The following ALK variants were observed in gnomAD, a reference collection of about 807,000 sequenced individuals.
ALK encodes the protein ALK receptor tyrosine kinase, also known as ALK tyrosine kinase receptor.
A neutral mutation model predicts 163.1 loss-of-function variants in ALK; 74 were observed. The ratio of observed to expected loss-of-function variants is 0.45; its 90% confidence interval spans 0.38 to 0.55. The LOEUF (loss-of-function observed/expected upper bound fraction) is 0.55, where lower values mean the gene tolerates loss of function less well. Among genes scored for constraint, ALK ranks in the 20% least tolerant of loss-of-function variants. The pLI is 0.00. For synonymous variants in ALK, 960 were observed against 843.2 expected (o/e 1.14, Z -2.40); for missense variants, 2,063 against 2,105.3 (o/e 0.98, Z 0.39).
At position 29,318,499 on chromosome 2, in the gene ALK, C is replaced by A. The variant is rs1000332803; in HGVS notation, c.1547-95G>T. ...TGGACTGTGCACAGTTCTTATCTAG[C>A]CTAGGGATATCTTTGAGGAAACAGG... On this transcript the variant is annotated intron_variant, in intron 7 of 28. Coordinates refer to ENST00000389048, the MANE Select transcript of ALK (RefSeq NM_004304.5). 6 of 859,874 alleles carry A rather than the reference C, an allele frequency of 7.0e-6. No individual in the cohort carries two copies. In the African/African-American group the frequency reaches 8.3e-5, roughly 12 times the overall value. The allele number at this position is 859,874 out of a possible 1,614,324, so 53.3% of individuals were successfully genotyped here. A position where few individuals can be genotyped will look rare whatever the true frequency, so the allele number is the denominator to read the frequency against.
intron 4 of ALK, among the ~76,000 whole-genome samples, chr2:29,405,281 C>T (rs964400671): frequency 6.6e-6 from 1 of 152,138 alleles, no homozygotes; most frequent in South Asian, 2.1e-4. Flanking sequence ...ATATCTGTTC[C>T]TTTCGAAACT....
intron 4 of ALK, among the ~76,000 whole-genome samples, chr2:29,494,643 G>GC: frequency 6.6e-6 from 1 of 152,150 alleles, no homozygotes; most frequent in African/African-American, 2.4e-5. Flanking sequence ...ATAAAGGGGT[G>GC]AGTTGTGCTA....
chr2:29,447,715 C>T (rs1051869781), intron 4 of ALK, among the ~76,000 whole-genome samples: 8 of 152,210 alleles, frequency 5.3e-5, no homozygotes, highest in Non-Finnish European at 8.8e-5. Flanking sequence ...CTTCACACCT[C>T]AGGTTCAATG....
intron 1 of ALK, among the ~76,000 whole-genome samples, chr2:29,718,523 T>G (rs767767641): frequency 6.6e-6 from 1 of 152,242 alleles, no homozygotes; most frequent in African/African-American, 2.4e-5. Flanking sequence ...GAATTAGTTC[T>G]CTTTCATAGA....
At chr2:29,848,573 A>T (rs1412920143) in intron 1 of ALK, among the ~76,000 whole-genome samples, 1 of 152,192 alleles carries the variant, frequency 6.6e-6, no homozygotes, top group East Asian at 1.9e-4. Flanking sequence ...ATAAATGTTA[A>T]TGAATTTGTG....
At chr2:29,809,167 C>T (rs1164147793) in intron 1 of ALK, among the ~76,000 whole-genome samples, 2 of 152,176 alleles carry the variant, frequency 1.3e-5, no homozygotes, top group African/African-American at 2.4e-5. Context: ...TTTACTTAAG[C>T]AAGGTTCTGG....
At chr2:29,534,574 T>G (rs922664966) in intron 3 of ALK, among the ~76,000 whole-genome samples, 1 of 152,170 alleles carries the variant, frequency 6.6e-6, no homozygotes, top group Non-Finnish European at 1.5e-5. Context: ...TGTTCTCAGG[T>G]TGGCAGAATG....
In ALK at chr2:29,716,728, T is replaced by C. The variant is rs1339322254; in HGVS notation, c.787+850A>G. 5.3e-5 allele frequency among the ~76,000 whole-genome samples: 8 copies of C among 152,282 alleles called. No homozygotes were observed. The East Asian group carries it at 1.5e-3, about 29-fold the overall frequency. On this transcript the variant is annotated intron_variant, in intron 2 of 28. Transcript: ENST00000389048. ...GACCTGGTCTCTTCATGTCGGATGC[T>C]GTTGCAGAATCAAATGAACCAAAAT... is the stretch of plus-strand genomic sequence containing the variant.
rs1668922506 is a variant in ALK at position 29,193,312 on chromosome 2, G to A, written c.4775C>T (p.Pro1592Leu). 6.2e-7 allele frequency: 1 copy of A among 1,614,148 alleles called. No homozygotes were observed. ...VNYGYQQQGLPLEAATAPGAG... is the reference protein window; with the variant it reads ...VNYGYQQQGLLLEAATAPGAG... ...TCCAGGGGCAGTAGCGGCTTCTAAGGGCAAGCCCTGTTGCTGGTAGCCGTA... is the reference window on the plus strand; with the variant it reads ...TCCAGGGGCAGTAGCGGCTTCTAAGAGCAAGCCCTGTTGCTGGTAGCCGTA... The change falls in exon 29 of 29, where the codon CCC (proline) becomes CTC (leucine). Residue 1592 changes from proline (P) to leucine (L), a missense_variant. By Grantham distance (98) the Pro-to-Leu change is moderately conservative. Transcript: ENST00000389048.
intron 1 of ALK, among the ~76,000 whole-genome samples, chr2:29,789,269 T>C (rs1244364771): frequency 6.6e-6 from 1 of 152,226 alleles, no homozygotes; most frequent in Non-Finnish European, 1.5e-5. Flanking sequence ...CAGTGCTCCC[T>C]AGCACTGAGC....
intron 5 of ALK, among the ~76,000 whole-genome samples, chr2:29,369,833 G>A (rs1205573494): frequency 6.6e-6 from 1 of 152,092 alleles, no homozygotes; most frequent in African/African-American, 2.4e-5. Context: ...ATGATCACAC[G>A]GAATAAATAA....
chr2:29,610,346 A>G (rs149050880), intron 3 of ALK, among the ~76,000 whole-genome samples: 1 of 152,208 alleles, frequency 6.6e-6, no homozygotes, highest in African/African-American at 2.4e-5. Context: ...TCCTTAATGT[A>G]TTGCATACTC....
At chr2:29,649,268 G>A (rs1676973569) in intron 3 of ALK, among the ~76,000 whole-genome samples, 1 of 151,778 alleles carries the variant, frequency 6.6e-6, no homozygotes, top group African/African-American at 2.4e-5. Flanking sequence ...GTGTGTGTGT[G>A]ACAGAGTGTG....
intron 3 of ALK, among the ~76,000 whole-genome samples, chr2:29,545,236 C>T (rs1673523425): frequency 6.6e-6 from 1 of 152,162 alleles, no homozygotes; most frequent in South Asian, 2.1e-4. Flanking sequence ...ACTCACAGGG[C>T]TTAGATGGCC....
chr2:29,480,732 A>G (rs1671641871), intron 4 of ALK, among the ~76,000 whole-genome samples: 1 of 144,474 alleles, frequency 6.9e-6, no homozygotes, highest in African/African-American at 2.6e-5. Context: ...GGCACTCTCC[A>G]GCAACACGCA....
At chr2:29,431,809 C>T (rs1166711956) in intron 4 of ALK, among the ~76,000 whole-genome samples, 2 of 152,196 alleles carry the variant, frequency 1.3e-5, no homozygotes, top group East Asian at 1.9e-4. Context: ...AAAGGTTCCA[C>T]AAAACAAATA....
At chr2:29,318,579 T>C (rs979841314) in intron 7 of ALK, among the ~76,000 whole-genome samples, 175 bp from the exon 8 acceptor site, 6 of 151,846 alleles carry the variant, frequency 4.0e-5, no homozygotes, top group Non-Finnish European at 5.9e-5. Flanking sequence ...CTTTTTTTTT[T>C]TTTTTGAGAC....
intron 1 of ALK, among the ~76,000 whole-genome samples, chr2:29,897,744 T>G (rs901972692): frequency 6.6e-6 from 1 of 152,204 alleles, no homozygotes; most frequent in African/African-American, 2.4e-5. Context: ...CTTCCCTTTC[T>G]CTCAAGGAAG....
intron 3 of ALK, among the ~76,000 whole-genome samples, chr2:29,639,266 C>A (rs903079303): frequency 6.6e-6 from 1 of 152,102 alleles, no homozygotes; most frequent in East Asian, 1.9e-4. Context: ...AGATCAGGAA[C>A]AAAACCACCT....
Sources: allele counts gnomAD v4.1 joint callset (sites outside exome capture counted in the v4.1 genomes callset), GRCh38; gene constraint gnomAD v4.1.1; transcripts MANE v1.5; gene names NCBI Gene and HGNC (gene_info 2026-07-23, HGNC 2026-07-21).